NPAS3: variants seen among roughly 807,000 people sequenced by gnomAD.
The protein encoded by NPAS3 is neuronal PAS domain-containing protein 3.
Under a neutral mutation model 73.1 loss-of-function variants are expected in NPAS3, and 14 were observed. That is an observed-to-expected ratio of 0.19 (90% CI 0.13 to 0.30). NPAS3 has a LOEUF of 0.30. Ranked by LOEUF, NPAS3 falls within the 10% of genes least tolerant of loss-of-function variation. The pLI is 1.00. For synonymous variants in NPAS3, 620 were observed against 541.5 expected, an observed-to-expected ratio of 1.14 and a Z score of -2.01; for missense variants, 1,096 against 1,250.0, an observed-to-expected ratio of 0.88 and a Z score of 1.86.
At chr14:33,727,756 C>T (rs570191880) in intron 6 of NPAS3, among the ~76,000 whole-genome samples, 2 of 152,226 alleles carry the variant, frequency 1.3e-5, no homozygotes, top group South Asian at 2.1e-4. Flanking sequence ...TTGCCACACT[C>T]GATCCCATAT....
intron 2 of NPAS3, among the ~76,000 whole-genome samples, chr14:33,092,964 T>C (rs543344728): frequency 3.9e-5 from 6 of 152,278 alleles, no homozygotes; most frequent in Non-Finnish European, 8.8e-5. Flanking sequence ...ATACAAAAAT[T>C]AATTCAAGAT....
intron 3 of NPAS3, among the ~76,000 whole-genome samples, chr14:33,262,356 T>C (rs1370229493): frequency 6.6e-6 from 1 of 152,226 alleles, no homozygotes; most frequent in East Asian, 1.9e-4. Flanking sequence ...CTCCATTGTT[T>C]TAGATTTCCT....
intron 1 of NPAS3, among the ~76,000 whole-genome samples, chr14:33,009,611 G>A (rs1226074532): frequency 1.3e-5 from 2 of 152,168 alleles, no homozygotes; most frequent in Admixed American, 1.3e-4. Flanking sequence ...TAATACTAGA[G>A]TCTTGTTTTT....
chr14:33,318,221 G>A (rs941950904), intron 3 of NPAS3, among the ~76,000 whole-genome samples: 2 of 152,044 alleles, frequency 1.3e-5, no homozygotes, highest in African/African-American at 4.8e-5. Context: ...AGGACATTAT[G>A]CTAAATGAAA....
At chr14:33,706,220 A>G (rs968313476) in intron 6 of NPAS3, among the ~76,000 whole-genome samples, 3 of 152,210 alleles carry the variant, frequency 2.0e-5, no homozygotes, top group Non-Finnish European at 4.4e-5. Flanking sequence ...GGGTTTCTGT[A>G]TGTAAGCAGA....
intron 1 of NPAS3, among the ~76,000 whole-genome samples, chr14:32,976,750 G>A (rs552907382): frequency 6.6e-6 from 1 of 152,266 alleles, no homozygotes; most frequent in South Asian, 2.1e-4. Flanking sequence ...TGCAATTAAA[G>A]GCAAGTAGAA....
intron 4 of NPAS3, among the ~76,000 whole-genome samples, chr14:33,544,939 G>T (rs940549867): frequency 4.7e-5 from 7 of 148,164 alleles, no homozygotes; most frequent in African/African-American, 1.5e-4. Context: ...TTTTAAAATG[G>T]TCATGCTTAT....
intron 3 of NPAS3, among the ~76,000 whole-genome samples, chr14:33,258,056 C>T (rs537201768): frequency 6.6e-6 from 1 of 152,218 alleles, no homozygotes; most frequent in South Asian, 2.1e-4. Flanking sequence ...TAATTGAGAA[C>T]AATAAACTTA....
intron 4 of NPAS3, among the ~76,000 whole-genome samples, chr14:33,524,829 A>T (rs1292267240): frequency 6.6e-6 from 1 of 152,064 alleles, no homozygotes; most frequent in Non-Finnish European, 1.5e-5. Context: ...TAGATACATC[A>T]TTCCGATCTC....
chr14:33,569,985 A>T (rs924109695), intron 5 of NPAS3, among the ~76,000 whole-genome samples: 1 of 152,202 alleles, frequency 6.6e-6, no homozygotes, highest in African/African-American at 2.4e-5. Context: ...AACCTGCCAG[A>T]TGACTAAGTA....
At chr14:33,014,047 T>C (rs2039305732) in intron 1 of NPAS3, among the ~76,000 whole-genome samples, 1 of 152,190 alleles carries the variant, frequency 6.6e-6, no homozygotes, top group Non-Finnish European at 1.5e-5. Flanking sequence ...TAAAACATCT[T>C]CAGTGCAGGA....
chr14:33,413,750 G>T (rs569922661), intron 4 of NPAS3, among the ~76,000 whole-genome samples: 1 of 152,152 alleles, frequency 6.6e-6, no homozygotes, highest in East Asian at 1.9e-4. Context: ...CCTCTGAAAA[G>T]ACTTCAGACT....
rs143076408 is a variant in NPAS3, at chr14:32,965,043, A to G, written c.50+25677A>G. On this transcript the variant is annotated intron_variant, in intron 1 of 11. Coordinates refer to ENST00000356141, the Ensembl canonical transcript of NPAS3. ...GAAAAATAGAAAACCTGAGCAGACC[A>G]ATAACAAGTAACAAGATTGAATCAG... is the stretch of plus-strand genomic sequence containing the variant. 4.0e-3 allele frequency among the ~76,000 whole-genome samples: 611 copies of G among 152,298 alleles called. 1 individual carries two copies. Among genetic ancestry groups the G allele is most frequent in the Middle Eastern group, 0.01 (3 of 294 alleles).
intron 3 of NPAS3, among the ~76,000 whole-genome samples, chr14:33,345,815 A>G (rs911497083): frequency 6.6e-6 from 1 of 152,194 alleles, no homozygotes; most frequent in African/African-American, 2.4e-5. Context: ...TACTTACATA[A>G]AAGTATCTCA....
chr14:33,099,179 C>A (rs1183336266), intron 2 of NPAS3, among the ~76,000 whole-genome samples: 1 of 152,258 alleles, frequency 6.6e-6, no homozygotes, highest in East Asian at 1.9e-4. Context: ...GCATGGGCAC[C>A]ACTACTACTT....
At chr14:33,414,261 T>C (rs1027912351) in intron 4 of NPAS3, among the ~76,000 whole-genome samples, 13 of 152,120 alleles carry the variant, frequency 8.5e-5, no homozygotes, top group African/African-American at 3.1e-4. Flanking sequence ...CCCCCCACTG[T>C]GAGTCAGCAA....
intron 5 of NPAS3, among the ~76,000 whole-genome samples, chr14:33,601,798 C>G (rs1595250814): frequency 6.6e-6 from 1 of 152,164 alleles, no homozygotes; most frequent in Admixed American, 6.5e-5. Flanking sequence ...TAAATATCCT[C>G]TTAAATGAAA....
intron 5 of NPAS3, chr14:33,586,060 G>A (rs191336779): frequency 4.5e-4 from 68 of 151,964 alleles, no homozygotes; most frequent in African/African-American, 1.5e-3. Context: ...ACCTAGCAAG[G>A]GAACTAGGGA....
intron 3 of NPAS3, among the ~76,000 whole-genome samples, chr14:33,238,307 A>C (rs973283024): frequency 2.6e-5 from 4 of 151,998 alleles, no homozygotes; most frequent in Non-Finnish European, 4.4e-5. Context: ...GTAAATGGAA[A>C]ATGATTTAAC....
Sources: allele counts gnomAD v4.1 joint callset (sites outside exome capture counted in the v4.1 genomes callset), GRCh38; gene constraint gnomAD v4.1.1; transcripts MANE v1.5; gene names NCBI Gene and HGNC (gene_info 2026-07-23, HGNC 2026-07-21).